Variants in CALD1 observed in about 807,000 individuals in gnomAD.
CALD1 encodes caldesmon 1, also known as caldesmon.
CALD1 carries 33 observed loss-of-function variants against 99.9 expected under a neutral mutation model. The observed-to-expected ratio is 0.33, with a 90% confidence interval of 0.25 to 0.44. CALD1 has a LOEUF of 0.44. CALD1 is among the 20% of genes least tolerant of loss of function. The probability of loss-of-function intolerance (pLI) is 1.00; values close to 1 mark genes in which losing one functional copy is unlikely to be tolerated. For synonymous variants in CALD1, 310 were observed against 325.0 expected (o/e 0.95, Z 0.50); for missense variants, 861 against 962.1 (o/e 0.89, Z 1.39).
At chr7:134,962,366 T>TAAAAAAAA in intron 13 of CALD1, 1 of 91,990 alleles carries the variant, frequency 1.1e-5, no homozygotes, top group Non-Finnish European at 2.2e-5. Context: ...GACAGCCTCC[T>TAAAAAAAA]AAAAAAAAAA....
chr7:134,832,268 G>A (rs949793300), intron 1 of CALD1, among the ~76,000 whole-genome samples: 2 of 152,160 alleles, frequency 1.3e-5, no homozygotes, highest in Non-Finnish European at 2.9e-5. Context: ...TAACAGGTAT[G>A]GACCATCAGG....
At chr7:134,865,787 C>T (rs886089959) in intron 2 of CALD1, among the ~76,000 whole-genome samples, 7 of 152,144 alleles carry the variant, frequency 4.6e-5, no homozygotes, top group African/African-American at 1.4e-4. Context: ...CTCATTAGCA[C>T]CTCTACCAGA....
intron 1 of CALD1, among the ~76,000 whole-genome samples, chr7:134,784,656 A>G (rs3778840): frequency 6.6e-6 from 1 of 151,960 alleles, no homozygotes; most frequent in African/African-American, 2.4e-5. Context: ...AAACTTTGGT[A>G]GCTCAAGTAA....
In CALD1 at chr7:134,968,339, G is replaced by C. The variant is rs764522178; in HGVS notation, c.2377-1G>C. 2 of 1,613,630 alleles carry C rather than the reference G, an allele frequency of 1.2e-6. No homozygotes were observed. The highest frequency in any genetic ancestry group is 1.7e-6 in the Non-Finnish European group (2 of 1,179,770). On this transcript the variant is annotated splice_acceptor_variant, in intron 14 of 14. Transcript: ENST00000361675. LOFTEE classifies it high-confidence loss of function. ...AATTTCAAGTTCTCTTCTCTTGGCA[G>C]GTTTGAGACAGTTCCAGAAAGAACC...
intron 3 of CALD1, chr7:134,920,412 A>C: frequency 1.6e-6 from 1 of 633,428 alleles, no homozygotes; most frequent in Non-Finnish European, 2.0e-6. Flanking sequence ...ACCCAGGTTC[A>C]GACAATGCCA....
chr7:134,817,801 A>C (rs1470206908), intron 1 of CALD1, among the ~76,000 whole-genome samples: 1 of 152,202 alleles, frequency 6.6e-6, no homozygotes, highest in Non-Finnish European at 1.5e-5. Context: ...CCATTATTGA[A>C]GACCTCTTCA....
chr7:134,786,578 A>G (rs1458166243), intron 1 of CALD1, among the ~76,000 whole-genome samples: 3 of 152,212 alleles, frequency 2.0e-5, no homozygotes, highest in Non-Finnish European at 2.9e-5. Context: ...TGTCAGATAT[A>G]TAAGGACAGG....
At chr7:134,737,912 G>T in the CALD1 span, among the ~76,000 whole-genome samples, 2 of 152,120 alleles carry the variant, frequency 1.3e-5, no homozygotes, top group Admixed American at 6.6e-5. Flanking sequence ...TTCCAATAGG[G>T]TAATTTTAAA....
chr7:134,785,713 G>C (rs1797279098), intron 1 of CALD1, among the ~76,000 whole-genome samples: 1 of 152,170 alleles, frequency 6.6e-6, no homozygotes, highest in Non-Finnish European at 1.5e-5. Flanking sequence ...TAGCATCAAA[G>C]GCTGGAGGGA....
chr7:134,729,479 A>G, the CALD1 span, among the ~76,000 whole-genome samples: 2 of 152,192 alleles, frequency 1.3e-5, no homozygotes, highest in Non-Finnish European at 2.9e-5. Context: ...GCAGGTAAGT[A>G]CCCATAAACG....
At chr7:134,937,996 G>A (rs975174294) in intron 6 of CALD1, among the ~76,000 whole-genome samples, 4 of 152,136 alleles carry the variant, frequency 2.6e-5, no homozygotes, top group Non-Finnish European at 5.9e-5. Flanking sequence ...CTGCTCCTGA[G>A]GTATTAAAAG....
chr7:134,829,902 C>T (rs1453770202), intron 1 of CALD1, among the ~76,000 whole-genome samples: 1 of 152,002 alleles, frequency 6.6e-6, no homozygotes, highest in African/African-American at 2.4e-5. Context: ...GGGAGAATCA[C>T]CTGGATTTAG....
At chr7:134,876,760 AT>A (rs1464043190) in intron 3 of CALD1, among the ~76,000 whole-genome samples, 1 of 152,240 alleles carries the variant, frequency 6.6e-6, no homozygotes. Flanking sequence ...GGATTTCTCC[AT>A]TCTTACCAGT....
rs116130845 is a variant in CALD1 at position 134,773,072 on chromosome 7, A to T, written c.-130+28709A>T. Among the ~76,000 whole-genome samples, 773 of 152,294 alleles carry T rather than the reference A, an allele frequency of 5.1e-3. 7 individuals are homozygous for T. The highest frequency in any genetic ancestry group is 0.018 in the African/African-American group (737 of 41,570). ...ATGTTTTCATTCACTGTATTGGCCCATTGGGCCCTTTGGATCTGGAAACTT... is the reference window on the plus strand; with the variant it reads ...ATGTTTTCATTCACTGTATTGGCCCTTTGGGCCCTTTGGATCTGGAAACTT... On this transcript the variant is annotated intron_variant, in intron 1 of 13. Coordinates refer to the CALD1 transcript ENST00000417172.
At chr7:134,766,168 T>TC (rs1796825169) in intron 1 of CALD1, among the ~76,000 whole-genome samples, 1 of 133,454 alleles carries the variant, frequency 7.5e-6, no homozygotes, top group South Asian at 2.5e-4. Context: ...TTTTTTTTTT[T>TC]TGAGAGGGAG....
chr7:134,824,602 C>T (rs1174388206), intron 1 of CALD1, among the ~76,000 whole-genome samples: 1 of 152,056 alleles, frequency 6.6e-6, no homozygotes, highest in Non-Finnish European at 1.5e-5. Flanking sequence ...TTCTCTTAAC[C>T]TTTCAAGCCT....
chr7:134,882,307 A>G (rs1022581285), intron 3 of CALD1, among the ~76,000 whole-genome samples: 7 of 152,174 alleles, frequency 4.6e-5, no homozygotes, highest in Non-Finnish European at 1.0e-4. Flanking sequence ...TCAACTCCAT[A>G]TCTTTTCTCC....
At chr7:134,938,954 A>G (rs1163099931) in intron 6 of CALD1, among the ~76,000 whole-genome samples, 2 of 152,236 alleles carry the variant, frequency 1.3e-5, no homozygotes, top group Non-Finnish European at 2.9e-5. Context: ...AGGATAAATG[A>G]GTTAAAGGGA....
the CALD1 span, among the ~76,000 whole-genome samples, chr7:134,717,105 G>A: frequency 2.0e-5 from 3 of 152,054 alleles, no homozygotes; most frequent in Non-Finnish European, 4.4e-5. Context: ...AGTGAGTTCC[G>A]TCTCTTTCCC....
Sources: gnomAD v4.1 joint callset for allele counts (sites outside exome capture counted in the v4.1 genomes callset) on GRCh38, gnomAD v4.1.1 for gene constraint, MANE v1.5 for transcripts, NCBI Gene and HGNC (gene_info 2026-07-23, HGNC 2026-07-21) for gene names.